The following SGCZ variants were observed in gnomAD, a reference collection of about 807,000 sequenced individuals.
The protein encoded by SGCZ is zeta-sarcoglycan.
Under a neutral mutation model 41.3 loss-of-function variants are expected in SGCZ, and 40 were observed. The observed-to-expected ratio is 0.97, with a 90% CI of 0.75 to 1.26. SGCZ has a LOEUF of 1.26. Among genes scored for constraint, SGCZ ranks in the 50% most tolerant of loss-of-function variants. SGCZ has a pLI of 0.00. For missense variants in SGCZ, 552 were observed against 369.8 expected (o/e 1.49, Z -4.04); for synonymous variants, 206 against 137.5 (o/e 1.50, Z -3.49).
At chr8:15,018,640 G>A (rs117957059) in intron 1 of SGCZ, among the ~76,000 whole-genome samples, 1,707 of 152,272 alleles carry the variant, frequency 0.011, 16 homozygotes, top group Middle Eastern at 0.031. Flanking sequence ...GGGACAGAGG[G>A]GAGAAGGTAA....
At chr8:14,926,797 C>T (rs1330714795) in intron 1 of SGCZ, among the ~76,000 whole-genome samples, 3 of 151,962 alleles carry the variant, frequency 2.0e-5, no homozygotes, top group Admixed American at 6.6e-5. Context: ...TGCGCCACCA[C>T]ACCCAGCTAA....
At chr8:14,818,567 T>A (rs1403963811) in intron 1 of SGCZ, among the ~76,000 whole-genome samples, 2 of 151,858 alleles carry the variant, frequency 1.3e-5, no homozygotes, top group Non-Finnish European at 2.9e-5. Flanking sequence ...ACAATAAGTC[T>A]CCACTAACAG....
chr8:15,023,197 AG>A, intron 1 of SGCZ, among the ~76,000 whole-genome samples: 1 of 152,164 alleles, frequency 6.6e-6, no homozygotes, highest in East Asian at 1.9e-4. Flanking sequence ...AGCATCTGAG[AG>A]GGGCTTCTTC....
chr8:14,127,041 G>A (rs1487166969), intron 5 of SGCZ, among the ~76,000 whole-genome samples: 1 of 152,054 alleles, frequency 6.6e-6, no homozygotes, highest in African/African-American at 2.4e-5. Flanking sequence ...TAATACCGAG[G>A]TGACAAGTTG....
intron 1 of SGCZ, among the ~76,000 whole-genome samples, chr8:14,666,461 C>A (rs1160963690): frequency 6.6e-6 from 1 of 152,088 alleles, no homozygotes; most frequent in Non-Finnish European, 1.5e-5. Context: ...TCCTTTCAAC[C>A]TAAGAATCTT....
intron 2 of SGCZ, among the ~76,000 whole-genome samples, chr8:14,381,737 G>T (rs1018793720): frequency 6.6e-6 from 1 of 151,852 alleles, no homozygotes; most frequent in Non-Finnish European, 1.5e-5. Context: ...AGTGAGCCAT[G>T]ATTGCGCCAC....
chr8:15,016,423 T>C (rs1282314280), intron 1 of SGCZ, among the ~76,000 whole-genome samples: 4 of 152,142 alleles, frequency 2.6e-5, no homozygotes, highest in Non-Finnish European at 5.9e-5. Context: ...GGCTTAGAAA[T>C]GGCTCTCTCC....
intron 2 of SGCZ, among the ~76,000 whole-genome samples, chr8:14,498,588 C>T (rs1040654230): frequency 6.6e-6 from 1 of 152,040 alleles, no homozygotes; most frequent in African/African-American, 2.4e-5. Context: ...CTTTTCTTAA[C>T]TTAAATATTA....
intron 1 of SGCZ, among the ~76,000 whole-genome samples, chr8:15,121,475 G>A (rs949836886): frequency 6.6e-6 from 1 of 152,128 alleles, no homozygotes; most frequent in Non-Finnish European, 1.5e-5. Flanking sequence ...AGCATCCACT[G>A]AACACACATG....
At chr8:15,034,753 C>A (rs1803811185) in intron 1 of SGCZ, among the ~76,000 whole-genome samples, 1 of 151,412 alleles carries the variant, frequency 6.6e-6, no homozygotes, top group African/African-American at 2.4e-5. Flanking sequence ...TTCAATAATG[C>A]AAGCACTGAA....
chr8:14,471,626 A>T (rs1466442779), intron 2 of SGCZ, among the ~76,000 whole-genome samples: 3 of 152,062 alleles, frequency 2.0e-5, no homozygotes, highest in Non-Finnish European at 4.4e-5. Context: ...CTCCCTGGAA[A>T]AGTAATTTAC....
intron 1 of SGCZ, among the ~76,000 whole-genome samples, chr8:14,663,028 C>T (rs1169498928): frequency 4.6e-5 from 7 of 152,150 alleles, no homozygotes; most frequent in Middle Eastern, 3.2e-3. Flanking sequence ...AACAGATCCT[C>T]CCCTAGGATG....
intron 1 of SGCZ, among the ~76,000 whole-genome samples, chr8:14,590,971 A>T (rs528780739): frequency 6.6e-6 from 1 of 150,944 alleles, no homozygotes; most frequent in African/African-American, 2.4e-5. Context: ...ATGCAAACAC[A>T]TATTTTTCTT....
chr8:14,827,481 C>T (rs1431580451), intron 1 of SGCZ, among the ~76,000 whole-genome samples: 1 of 152,066 alleles, frequency 6.6e-6, no homozygotes, highest in Non-Finnish European at 1.5e-5. Flanking sequence ...ATATGATGCA[C>T]CCGCCTTGGC....
intron 2 of SGCZ, among the ~76,000 whole-genome samples, chr8:14,379,494 T>C (rs1269358358): frequency 6.6e-6 from 1 of 152,134 alleles, no homozygotes; most frequent in East Asian, 1.9e-4. Flanking sequence ...CAAATGGACA[T>C]AGCCCCTGCT....
At chr8:15,205,469 A>T (rs1406604549) in intron 1 of SGCZ, among the ~76,000 whole-genome samples, 1 of 152,216 alleles carries the variant, frequency 6.6e-6, no homozygotes, top group African/African-American at 2.4e-5. Context: ...TACCAAAGGA[A>T]AACATACATG....
chr8:14,560,979 C>A (rs1804191129), intron 1 of SGCZ, among the ~76,000 whole-genome samples: 1 of 152,040 alleles, frequency 6.6e-6, no homozygotes, highest in African/African-American at 2.4e-5. Context: ...TTGTCTTCAT[C>A]ACAAAATACT....
rs1804395674 is a variant in SGCZ, at chr8:14,567,158, C to CA, written c.40-12233dup. Among the ~76,000 whole-genome samples the CA allele has an allele frequency of 2.0e-5, 3 of 152,224 alleles. No homozygotes were observed. In the South Asian group the frequency reaches 6.2e-4, roughly 31 times the overall value. On this transcript the variant is annotated intron_variant, in intron 1 of 7. Transcript: ENST00000382080. ...GGCTCTGGTGGCGTCGGAGCCCCCC[C>CA]AGGGAGTCGCCCCCTGCTCCACAGC...
chr8:14,584,595 T>C (rs145490485), intron 1 of SGCZ, among the ~76,000 whole-genome samples: 1 of 152,146 alleles, frequency 6.6e-6, no homozygotes, highest in African/African-American at 2.4e-5. Flanking sequence ...CAAAGTAATC[T>C]TATTTTGAGC....
Sources: gnomAD v4.1 joint callset for allele counts (sites outside exome capture counted in the v4.1 genomes callset) on GRCh38, gnomAD v4.1.1 for gene constraint, MANE v1.5 for transcripts, NCBI Gene and HGNC (gene_info 2026-07-23, HGNC 2026-07-21) for gene names.